Variants in MAN1A2 observed in about 807,000 individuals in gnomAD.
MAN1A2 encodes mannosidase alpha class 1A member 2.
A neutral mutation model predicts 75.7 loss-of-function variants in MAN1A2; 26 were observed. The ratio of observed to expected loss-of-function variants is 0.34; its 90% CI spans 0.25 to 0.48. The LOEUF (loss-of-function observed/expected upper bound fraction) is 0.48. MAN1A2 is among the 20% of genes least tolerant of loss of function. The pLI, the probability that MAN1A2 is intolerant of heterozygous loss-of-function variation, is 0.99. For synonymous variants in MAN1A2, 247 were observed against 264.6 expected, an observed-to-expected ratio of 0.93 and a Z score of 0.65; for missense variants, 562 against 775.5, an observed-to-expected ratio of 0.72 and a Z score of 3.27.
At chr1:117,391,234 G>T (rs559713131) in intron 1 of MAN1A2, among the ~76,000 whole-genome samples, 9 of 152,062 alleles carry the variant, frequency 5.9e-5, no homozygotes, top group Non-Finnish European at 1.3e-4. Flanking sequence ...GTCTGTATTG[G>T]TACATGTTCC....
intron 8 of MAN1A2, among the ~76,000 whole-genome samples, chr1:117,469,960 T>G (rs1421532784): frequency 6.6e-6 from 1 of 152,094 alleles, no homozygotes; most frequent in Non-Finnish European, 1.5e-5. Flanking sequence ...GCACTTCATC[T>G]CCTCTGTATA....
At position 117,474,680 on chromosome 1, in the gene MAN1A2, A is replaced by C. The variant is rs905191563; in HGVS notation, c.1168+8253A>C. ...ATTCTTTGGTTTTGTTTATTTTTGAAAAACTGCTTTATTAAGATACAATTT... is the reference window on the plus strand; with the variant it reads ...ATTCTTTGGTTTTGTTTATTTTTGACAAACTGCTTTATTAAGATACAATTT... On this transcript the variant is annotated intron_variant, in intron 8 of 12. Coordinates refer to ENST00000356554, the MANE Select transcript of MAN1A2 (RefSeq NM_006699.5). 2.0e-5 allele frequency among the ~76,000 whole-genome samples: 3 copies of C among 151,932 alleles called. No individual in the cohort carries two copies. In the Admixed American group the frequency reaches 2.0e-4, roughly 10 times the overall value.
chr1:117,401,524 G>A (rs951277881), intron 1 of MAN1A2, among the ~76,000 whole-genome samples: 3 of 152,150 alleles, frequency 2.0e-5, no homozygotes, highest in African/African-American at 7.2e-5. Context: ...AGTAGGGCTG[G>A]GTGGAAAACG....
chr1:117,457,105 A>G (rs568199413), intron 6 of MAN1A2, among the ~76,000 whole-genome samples: 1 of 152,244 alleles, frequency 6.6e-6, no homozygotes, highest in South Asian at 2.1e-4. Flanking sequence ...CTTTGAACAA[A>G]ATGCAAACCA....
intron 12 of MAN1A2, among the ~76,000 whole-genome samples, chr1:117,521,717 C>T (rs1033577358): frequency 6.6e-6 from 1 of 151,950 alleles, no homozygotes; most frequent in Non-Finnish European, 1.5e-5. Context: ...AAAAACGATT[C>T]GTGCACATGC....
rs1430849447 is a variant in MAN1A2 at position 117,447,571 on chromosome 1, A to C, written c.950+5246A>C. 4.6e-5 allele frequency among the ~76,000 whole-genome samples: 7 copies of C among 152,132 alleles called. 1 individual carries two copies. The highest frequency in any genetic ancestry group is 4.6e-4 in the Admixed American group (7 of 15,268). On this transcript the variant is annotated intron_variant, in intron 6 of 12. Transcript: ENST00000356554. The stretch of plus-strand genomic sequence containing the variant: ...ATATGCCAGTTGACATTTCCTTAAT[A>C]AGTGTGTGAGAATGGCTCTTATCGA...
At position 117,411,330 on chromosome 1, in the gene MAN1A2, T is replaced by G. The variant is rs151173586; in HGVS notation, c.656-3383T>G. On this transcript the variant is annotated intron_variant, in intron 3 of 12. Transcript: ENST00000356554. ...AACAAAGATGCTGAGGTTCAGTGAT[T>G]AAAAGGATAGCCTTTCCAACAAGTG... Among the ~76,000 whole-genome samples, 17 of 151,898 alleles carry G rather than the reference T, an allele frequency of 1.1e-4. No homozygotes were observed. In the East Asian group the frequency reaches 3.3e-3, roughly 29 times the overall value.
intron 5 of MAN1A2, among the ~76,000 whole-genome samples, chr1:117,429,784 C>G (rs1190318625): frequency 1.0e-5 from 1 of 95,710 alleles, no homozygotes; most frequent in Admixed American, 9.4e-5. Context: ...CCCTCCCGGA[C>G]GGGGCGGCTG....
intron 1 of MAN1A2, among the ~76,000 whole-genome samples, chr1:117,379,981 T>C (rs528031053): frequency 9.8e-5 from 15 of 152,306 alleles, no homozygotes; most frequent in Admixed American, 2.0e-4. Flanking sequence ...GAGTACCTGT[T>C]TTCAGTTCTC....
chr1:117,383,961 T>C (rs1177610814), intron 1 of MAN1A2, among the ~76,000 whole-genome samples: 1 of 152,138 alleles, frequency 6.6e-6, no homozygotes, highest in African/African-American at 2.4e-5. Flanking sequence ...TTCTGTAAGG[T>C]CAGCTGCAGT....
At position 117,406,586 on chromosome 1, in the gene MAN1A2, G is replaced by T. The variant is rs184088337; in HGVS notation, c.655+941G>T. Among the ~76,000 whole-genome samples, 17 of 152,168 alleles carry T rather than the reference G, an allele frequency of 1.1e-4. No individual in the cohort carries two copies. The East Asian group carries it at 2.9e-3, about 26-fold the overall frequency. On this transcript the variant is annotated intron_variant, in intron 3 of 12. Coordinates refer to ENST00000356554, the MANE Select transcript of MAN1A2 (RefSeq NM_006699.5). ...AATGTCTTAAAAAATAATTTCTGTT[G>T]GGTTTGGGAGATGTTGTGGTAGAGG...
chr1:117,412,600 G>A (rs192864101), intron 3 of MAN1A2, among the ~76,000 whole-genome samples: 10 of 151,614 alleles, frequency 6.6e-5, no homozygotes. Context: ...TATTTTAAGT[G>A]TTTTTGTGAG....
At chr1:117,476,567 T>A (rs750020117) in intron 8 of MAN1A2, among the ~76,000 whole-genome samples, 2 of 152,142 alleles carry the variant, frequency 1.3e-5, no homozygotes, top group Non-Finnish European at 2.9e-5. Flanking sequence ...GTTTCAGTTT[T>A]CTGCATATGG....
chr1:117,417,020 G>A (rs1056044954), intron 4 of MAN1A2, among the ~76,000 whole-genome samples: 1 of 152,126 alleles, frequency 6.6e-6, no homozygotes, highest in African/African-American at 2.4e-5. Flanking sequence ...GTAAGCAGGA[G>A]GGAATAAGAC....
intron 1 of MAN1A2, among the ~76,000 whole-genome samples, chr1:117,372,999 G>T (rs1653016180): frequency 6.6e-6 from 1 of 152,166 alleles, no homozygotes; most frequent in African/African-American, 2.4e-5. Flanking sequence ...AACTAGCTGT[G>T]TGGCATTGTG....
intron 9 of MAN1A2, chr1:117,494,759 T>C (rs956979198): frequency 6.6e-6 from 1 of 152,030 alleles, no homozygotes; most frequent in Non-Finnish European, 1.5e-5. Context: ...CAAGATGGGT[T>C]ATTATCTGGG....
chr1:117,504,208 A>G (rs1021037237), intron 12 of MAN1A2, among the ~76,000 whole-genome samples: 2 of 151,440 alleles, frequency 1.3e-5, no homozygotes, highest in African/African-American at 2.4e-5. Context: ...TTAGTTGTAC[A>G]CTAGCTACAT....
intron 5 of MAN1A2, among the ~76,000 whole-genome samples, chr1:117,433,780 CTTAAAA>C (rs1648753919): frequency 6.6e-6 from 1 of 152,140 alleles, no homozygotes; most frequent in Non-Finnish European, 1.5e-5. Flanking sequence ...GAATACTGTC[CTTAAAA>C]ATTTTTGGAA....
chr1:117,422,207 A>G (rs1018748810), intron 5 of MAN1A2, among the ~76,000 whole-genome samples: 1 of 152,084 alleles, frequency 6.6e-6, no homozygotes, highest in African/African-American at 2.4e-5. Context: ...TAATTACCCT[A>G]TCCCATTGCC....
Sources: gnomAD v4.1 joint callset for allele counts (sites outside exome capture counted in the v4.1 genomes callset) on GRCh38, gnomAD v4.1.1 for gene constraint, MANE v1.5 for transcripts, NCBI Gene and HGNC (gene_info 2026-07-23, HGNC 2026-07-21) for gene names.